Variants in SLC28A3 observed in about 807,000 individuals in gnomAD.
SLC28A3 encodes the protein solute carrier family 28 member 3.
In SLC28A3, 68 loss-of-function variants were observed where a neutral mutation model predicts 84.2. The observed-to-expected ratio is 0.81, with a 90% CI of 0.66 to 0.99. The LOEUF (loss-of-function observed/expected upper bound fraction) is 0.99. Among genes scored for constraint, SLC28A3 ranks in the 50% least tolerant of loss-of-function variants. The pLI, the probability that SLC28A3 is intolerant of heterozygous loss-of-function variation, is 0.00. For missense variants in SLC28A3, 712 were observed against 841.5 expected (o/e 0.85, Z 1.90); for synonymous variants, 267 against 303.6 (o/e 0.88, Z 1.25).
chr9:84,348,609 C>T, the SLC28A3 span, among the ~76,000 whole-genome samples: 6,966 of 152,196 alleles, frequency 0.046, 303 homozygotes, highest in East Asian at 0.17. Flanking sequence ...CCCACAAAGT[C>T]CGTATGTTAG....
chr9:84,301,591 T>G (rs1399879387), intron 5 of SLC28A3, among the ~76,000 whole-genome samples: 1 of 152,192 alleles, frequency 6.6e-6, no homozygotes, highest in Non-Finnish European at 1.5e-5. Context: ...GTAAATAAAT[T>G]GTAAAGAGAA....
the SLC28A3 span, among the ~76,000 whole-genome samples, chr9:84,363,766 T>C: frequency 0.023 from 3,321 of 141,950 alleles, 124 homozygotes; most frequent in African/African-American, 0.092. Context: ...ATTTGTTTAT[T>C]TTTGTAGAGA....
intron 1 of SLC28A3, among the ~76,000 whole-genome samples, chr9:84,336,135 C>T (rs1826968969): frequency 6.6e-6 from 1 of 150,782 alleles, no homozygotes; most frequent in Non-Finnish European, 1.5e-5. Context: ...AAGGCTGAAG[C>T]AGGCAGATCA....
At chr9:84,310,352 G>A in intron 2 of SLC28A3, 2 of 956,690 alleles carry the variant, frequency 2.1e-6, no homozygotes, top group Non-Finnish European at 2.5e-6. Flanking sequence ...TCTAGGTACA[G>A]TTTGAGCTCT....
At chr9:84,359,209 T>C in the SLC28A3 span, among the ~76,000 whole-genome samples, 1 of 152,220 alleles carries the variant, frequency 6.6e-6, no homozygotes. Flanking sequence ...CATTGGGCCA[T>C]GAGCCCTCTA....
intron 1 of SLC28A3, among the ~76,000 whole-genome samples, chr9:84,320,401 A>C (rs1826336448): frequency 6.6e-6 from 1 of 152,030 alleles, no homozygotes; most frequent in Non-Finnish European, 1.5e-5. Flanking sequence ...TGCCAAAGAC[A>C]ATGATTTCCA....
At chr9:84,340,796 G>T, upstream of SLC28A3, 2 of 629,932 alleles carry the variant, frequency 3.2e-6, no homozygotes, top group Non-Finnish European at 2.7e-6. Context: ...GACTAGGGCT[G>T]ACACCTGGTT....
chr9:84,297,225 A>C lies in SLC28A3; in HGVS notation c.857T>G (p.Phe286Cys). ...GEKYKDHFFA[F>C]KVLPIVVFFS... ...AGAAAAAAGGTTTGACTTTACCTTA[A>C]ATGCAAAGAAGTGGTCTTTGTATTT... Residue 286 changes from phenylalanine (F) to cysteine (C), a missense_variant, in exon 8 of 18, where the codon TTT (phenylalanine) becomes TGT (cysteine). Physicochemically the swap from Phe to Cys is radical, Grantham distance 205. Transcript: ENST00000376238. 1 of 1,612,588 alleles carries C rather than the reference A, an allele frequency of 6.2e-7. No individual in the cohort carries two copies. Among genetic ancestry groups the C allele is most frequent in the Non-Finnish European group, 8.5e-7 (1 of 1,179,492 alleles).
the SLC28A3 span, among the ~76,000 whole-genome samples, chr9:84,351,878 T>C: frequency 1.3e-5 from 2 of 149,882 alleles, no homozygotes; most frequent in South Asian, 2.1e-4. Flanking sequence ...CCCAAAGGGT[T>C]CAGGAAAAAA....
the SLC28A3 span, among the ~76,000 whole-genome samples, chr9:84,348,431 T>G: frequency 6.6e-6 from 1 of 152,022 alleles, no homozygotes; most frequent in Non-Finnish European, 1.5e-5. Flanking sequence ...ACTCACTAGC[T>G]GCAAGCTTGG....
chr9:84,298,328 A>C (rs1466328835), intron 6 of SLC28A3, among the ~76,000 whole-genome samples: 1 of 152,110 alleles, frequency 6.6e-6, no homozygotes, highest in African/African-American at 2.4e-5. Flanking sequence ...CTCTACTAAA[A>C]ATACAAAAAG....
At chr9:84,351,461 C>T in the SLC28A3 span, among the ~76,000 whole-genome samples, 1 of 151,970 alleles carries the variant, frequency 6.6e-6, no homozygotes, top group African/African-American at 2.4e-5. Context: ...GAGTCTGAGA[C>T]CAACCTGGGC....
the SLC28A3 span, among the ~76,000 whole-genome samples, chr9:84,356,870 T>C: frequency 6.7e-6 from 1 of 149,540 alleles, no homozygotes; most frequent in Non-Finnish European, 1.5e-5. Context: ...ATAAAATAAA[T>C]TTATCAAAAT....
the SLC28A3 span, among the ~76,000 whole-genome samples, chr9:84,359,490 C>A: frequency 1.3e-5 from 2 of 152,160 alleles, no homozygotes; most frequent in Non-Finnish European, 2.9e-5. Flanking sequence ...TCTGTAAGAA[C>A]TGACACAAAA....
chr9:84,332,729 C>T (rs7872261), intron 1 of SLC28A3, among the ~76,000 whole-genome samples: 2 of 150,838 alleles, frequency 1.3e-5, no homozygotes, highest in African/African-American at 4.9e-5. Context: ...TACACTTGTT[C>T]GAAAAAAAAA....
chr9:84,318,444 G>C (rs12338297), intron 1 of SLC28A3, among the ~76,000 whole-genome samples: 16,543 of 152,204 alleles, frequency 0.11, 2,937 homozygotes, highest in African/African-American at 0.37. Flanking sequence ...CCAGGAGGCA[G>C]AGGAAACCCA....
chr9:84,362,426 G>A, the SLC28A3 span, among the ~76,000 whole-genome samples: 1 of 152,112 alleles, frequency 6.6e-6, no homozygotes, highest in African/African-American at 2.4e-5. Flanking sequence ...GAGGTAAGGG[G>A]TTGAAGATCA....
intron 4 of SLC28A3, among the ~76,000 whole-genome samples, chr9:84,303,799 C>A (rs991520511): frequency 6.6e-6 from 1 of 152,182 alleles, no homozygotes; most frequent in Non-Finnish European, 1.5e-5. Flanking sequence ...GTCATGGTAA[C>A]ACTGCTATTT....
chr9:84,312,542 C>CTT (rs35691184), intron 2 of SLC28A3, among the ~76,000 whole-genome samples: 23,848 of 134,224 alleles, frequency 0.18, 2,186 homozygotes, highest in African/African-American at 0.19. Flanking sequence ...CCCCAAATTC[C>CTT]TTTTTTTTTT....
Sources: allele counts gnomAD v4.1 joint callset (sites outside exome capture counted in the v4.1 genomes callset), GRCh38; gene constraint gnomAD v4.1.1; transcripts MANE v1.5; gene names NCBI Gene and HGNC (gene_info 2026-07-23, HGNC 2026-07-21).